EIF5B: variants seen among roughly 807,000 people sequenced by gnomAD.
EIF5B encodes the protein eIF-5B.
In EIF5B, 47 loss-of-function variants were observed where a neutral mutation model predicts 147.5. That is an observed-to-expected ratio of 0.32 (90% CI 0.25 to 0.41). The LOEUF (loss-of-function observed/expected upper bound fraction) is 0.41. Ranked by LOEUF, EIF5B falls within the 10% of genes least tolerant of loss-of-function variation. The probability of loss-of-function intolerance (pLI) is 1.00; values close to 1 mark genes in which losing one functional copy is unlikely to be tolerated. For synonymous variants in EIF5B, 455 were observed against 456.2 expected, an observed-to-expected ratio of 1.00 and a Z score of 0.03; for missense variants, 1,064 against 1,413.2, an observed-to-expected ratio of 0.75 and a Z score of 3.96.
rs775523128 is a variant in EIF5B, at chr2:99,376,628, A to G, written c.1834A>G (p.Arg612Gly). ...AAGGGCTTATGACAAAGCAAAACGG[A>G]GGATTGAGGTATTTATTTTACCGTT... ...EERAYDKAKR[R>G]IEKRRLEHSK... Residue 612 changes from arginine to glycine, a missense_variant, in exon 10 of 24, where the codon AGG becomes GGG. Around this residue, in one of 4 missense-constraint regions of EIF5B, gnomAD observed 195 missense variants for 186.3 expected, o/e 1.05. Transcript: ENST00000289371. The G allele has an allele frequency of 9.4e-6, 15 of 1,596,358 alleles. 1 individual carries two copies. The South Asian group carries it at 1.7e-4, about 18-fold the overall frequency.
intron 1 of EIF5B, chr2:99,340,550 A>T (rs1393368301): frequency 6.6e-6 from 1 of 152,230 alleles, no homozygotes; most frequent in Non-Finnish European, 1.5e-5. Flanking sequence ...TCTTGGACAG[A>T]ACATACAATA....
intron 6 of EIF5B, among the ~76,000 whole-genome samples, chr2:99,365,737 C>T (rs1375929564): frequency 2.0e-5 from 3 of 151,860 alleles, no homozygotes; most frequent in Non-Finnish European, 4.4e-5. Context: ...GCATCCCTGA[C>T]GCTGGTCTCT....
chr2:99,394,215 G>T, intron 18 of EIF5B, 52 bp from the exon 19 acceptor site: 2 of 1,558,936 alleles, frequency 1.3e-6, no homozygotes, highest in Non-Finnish European at 8.6e-7. Flanking sequence ...ATTCTAGACT[G>T]CTGAGGATAG....
At chr2:99,389,665 TC>T in intron 14 of EIF5B, 52 bp from the exon 15 acceptor site, 1 of 1,536,294 alleles carries the variant, frequency 6.5e-7, no homozygotes, top group African/African-American at 1.4e-5. Context: ...TTAATACAGT[TC>T]TTGAATGTTC....
chr2:99,376,391 G>A lies in EIF5B; in HGVS notation c.1597G>A (p.Glu533Lys). The A allele has an allele frequency of 6.7e-7, 1 of 1,484,068 alleles. No individual in the cohort carries two copies. Among genetic ancestry groups the A allele is most frequent in the Non-Finnish European group, 9.3e-7 (1 of 1,080,066 alleles). 91.9% of individuals were successfully genotyped at this position (1,484,068 alleles called of 1,614,324 possible). ...VHIEVKENPE[E>K]EEEEEEEEEE... ...TATAGAAGTAAAAGAAAACCCTGAA[G>A]AGGAGGAGGAGGAGGAAGAAGAGGA... is the stretch of plus-strand genomic sequence containing the variant. The change falls in exon 10 of 24, where the codon GAG becomes AAG. Residue 533 changes from glutamate (E) to lysine (K), a missense_variant. By Grantham distance (56) the Glu-to-Lys change is moderately conservative. Around this residue, in one of 4 missense-constraint regions of EIF5B, gnomAD observed 195 missense variants for 186.3 expected, o/e 1.05. Transcript: ENST00000289371.
intron 8 of EIF5B, 28 bp from the exon 9 acceptor site, chr2:99,371,628 T>C (rs747787088): frequency 4.4e-6 from 7 of 1,590,832 alleles, no homozygotes; most frequent in Non-Finnish European, 6.0e-6. Context: ...ATAATTTTTG[T>C]GTCTTAAATG....
chr2:99,370,599 T>C (rs776440922), intron 8 of EIF5B, among the ~76,000 whole-genome samples: 1 of 152,208 alleles, frequency 6.6e-6, no homozygotes, highest in Non-Finnish European at 1.5e-5. Context: ...CCAGAAAGAA[T>C]TGCTAATTTA....
At chr2:99,357,582 C>T (rs1674120478) in intron 1 of EIF5B, among the ~76,000 whole-genome samples, 1 of 152,150 alleles carries the variant, frequency 6.6e-6, no homozygotes, top group Non-Finnish European at 1.5e-5. Flanking sequence ...ACTTTGTTAT[C>T]CTAGAGATGT....
At chr2:99,392,319 A>G (rs1182181441) in intron 17 of EIF5B, among the ~76,000 whole-genome samples, 2 of 151,938 alleles carry the variant, frequency 1.3e-5, no homozygotes, top group Non-Finnish European at 2.9e-5. Flanking sequence ...AGCCTCCCTA[A>G]GTGAGCCACC....
At chr2:99,359,430 C>A (rs949660089) in intron 1 of EIF5B, among the ~76,000 whole-genome samples, 11 of 152,000 alleles carry the variant, frequency 7.2e-5, no homozygotes, top group African/African-American at 2.7e-4. Flanking sequence ...TACAAGGTGT[C>A]CATTATAAAG....
At chr2:99,368,667 G>A (rs1442459126) in intron 7 of EIF5B, 76 bp downstream of exon 7, 11 of 1,174,324 alleles carry the variant, frequency 9.4e-6, no homozygotes, top group East Asian at 2.4e-5. Flanking sequence ...AACAGTGTCT[G>A]TAAAGAAGAA....
intron 1 of EIF5B, chr2:99,340,727 G>A (rs1158158459): frequency 6.6e-6 from 1 of 151,612 alleles, no homozygotes; most frequent in Non-Finnish European, 1.5e-5. Flanking sequence ...CTAGAATTTT[G>A]CTTAAAGACC....
chr2:99,363,531 G>A lies in EIF5B; in HGVS notation c.920-114G>A, dbSNP rs985688638. The A allele has an allele frequency of 5.1e-5, 53 of 1,029,812 alleles. 1 individual carries two copies. The highest frequency in any genetic ancestry group is 1.6e-4 in the Admixed American group (7 of 42,610). The allele number at this position is 1,029,812 out of a possible 1,614,324, so 63.8% of individuals were successfully genotyped here. ...TGATGCCTGTAGAACTTAGCCTGCTGCTGGCATCGGCCTTGGCCCATTATG... is the reference window on the plus strand; with the variant it reads ...TGATGCCTGTAGAACTTAGCCTGCTACTGGCATCGGCCTTGGCCCATTATG... On this transcript the variant is annotated intron_variant, in intron 4 of 23. Transcript: ENST00000289371.
intron 8 of EIF5B, 48 bp downstream of exon 8, chr2:99,369,529 G>A (rs1020213342): frequency 6.9e-7 from 1 of 1,457,520 alleles, no homozygotes; most frequent in Non-Finnish European, 9.4e-7. Context: ...TTATTAAATA[G>A]TGTTGGTGTG....
chr2:99,370,316 G>T (rs991920723), intron 8 of EIF5B, among the ~76,000 whole-genome samples: 1 of 152,274 alleles, frequency 6.6e-6, no homozygotes, highest in African/African-American at 2.4e-5. Context: ...GAGAGCTGGG[G>T]CTGCCTAAAT....
chr2:99,364,237 A>G (rs772651766), intron 5 of EIF5B, 34 bp from the exon 6 acceptor site: 2 of 1,542,360 alleles, frequency 1.3e-6, no homozygotes, highest in Non-Finnish European at 1.7e-6. Context: ...CATTAAATGA[A>G]TACAGGTTTT....
intron 8 of EIF5B, 58 bp downstream of exon 8, chr2:99,369,539 G>A (rs1463314799): frequency 1.4e-6 from 2 of 1,383,354 alleles, no homozygotes; most frequent in South Asian, 1.3e-5. Flanking sequence ...GTGTTGGTGT[G>A]TCATAAGTTG....
At chr2:99,361,912 C>T in intron 4 of EIF5B, 92 bp downstream of exon 4, 1 of 1,250,810 alleles carries the variant, frequency 8.0e-7, no homozygotes, top group Non-Finnish European at 1.1e-6. Flanking sequence ...TGTTATTTGT[C>T]CATGGGTATA....
At chr2:99,341,669 A>G (rs1334650911) in intron 1 of EIF5B, among the ~76,000 whole-genome samples, 1 of 152,206 alleles carries the variant, frequency 6.6e-6, no homozygotes, top group African/African-American at 2.4e-5. Context: ...GCTTCTGTGT[A>G]TGTAGGTTAT....
Sources: gnomAD v4.1 joint callset for allele counts (sites outside exome capture counted in the v4.1 genomes callset) on GRCh38, gnomAD v4.1.1 for gene constraint, gnomAD v4.1.1 regional missense constraint, MANE v1.5 for transcripts, NCBI Gene and HGNC (gene_info 2026-07-23, HGNC 2026-07-21) for gene names.